The following VAC14 variants were observed in gnomAD, a reference collection of about 807,000 sequenced individuals.
VAC14 encodes protein VAC14 homolog.
A neutral mutation model predicts 85.3 loss-of-function variants in VAC14; 47 were observed. That is an observed-to-expected ratio of 0.55 (90% CI 0.44 to 0.70). VAC14 has a LOEUF of 0.70. Ranked by LOEUF, VAC14 falls within the 30% of genes least tolerant of loss-of-function variation. The pLI is 0.00. For missense variants in VAC14, 861 were observed against 1,004.3 expected (o/e 0.86, Z 1.93); for synonymous variants, 447 against 430.5 (o/e 1.04, Z -0.47).
At chr16:70,784,350 G>C in intron 4 of VAC14, 130 bp from the exon 5 acceptor site, 1 of 683,888 alleles carries the variant, frequency 1.5e-6, no homozygotes, top group Non-Finnish European at 2.6e-6. Flanking sequence ...CCTGAGCTAG[G>C]CATAAGAGGT....
chr16:70,787,633 T>C (rs542613023), intron 1 of VAC14, among the ~76,000 whole-genome samples: 2 of 152,254 alleles, frequency 1.3e-5, no homozygotes, highest in Admixed American at 1.3e-4. Flanking sequence ...AGATCACTGA[T>C]GGAGGAGAGG....
At chr16:70,780,665 A>T in intron 9 of VAC14, 125 bp downstream of exon 9, 1 of 1,261,130 alleles carries the variant, frequency 7.9e-7, no homozygotes. Flanking sequence ...TTGCTGCTAC[A>T]ATTGTGTGAG....
intron 10 of VAC14, among the ~76,000 whole-genome samples, chr16:70,767,401 T>C (rs1272332889): frequency 6.6e-6 from 1 of 152,162 alleles, no homozygotes; most frequent in African/African-American, 2.4e-5. Context: ...AAAATACAGA[T>C]AATTATAAAT....
chr16:70,695,030 G>A (rs769344481), intron 17 of VAC14, among the ~76,000 whole-genome samples: 8 of 152,168 alleles, frequency 5.3e-5, no homozygotes, highest in Non-Finnish European at 1.2e-4. Context: ...TCACTGTGAG[G>A]GATACAGGCA....
rs749530884 is a variant in VAC14 at position 70,786,362 on chromosome 16, C to T, written c.108G>A (p.Leu36=). The stretch of plus-strand genomic sequence containing the variant: ...TGTTCTGGGCCACGAACTCCCGGAC[C>T]AGCCTGGAGAGAGAGGAGAGAGGGG... ...RKVAALEIEK[L]VREFVAQNNT... Residue 36 remains leucine (L), a synonymous_variant, in exon 2 of 19, where the codon CTG becomes CTA. Transcript: ENST00000261776. The T allele has an allele frequency of 6.2e-6, 10 of 1,613,484 alleles. No individual in the cohort carries two copies. The highest frequency in any genetic ancestry group is 2.2e-5 in the South Asian group (2 of 91,052).
rs1186014576 is a variant in VAC14, at chr16:70,783,571, A to G, written c.595-17T>C. 6.2e-7 allele frequency: 1 copy of G among 1,611,718 alleles called. No individual in the cohort carries two copies. The highest frequency in any genetic ancestry group is 8.5e-7 in the Non-Finnish European group (1 of 1,179,246). On this transcript the variant is annotated splice_polypyrimidine_tract_variant and intron_variant, in intron 5 of 18. Coordinates refer to ENST00000261776, the MANE Select transcript of VAC14 (RefSeq NM_018052.5). ...AACCAGGATCTGACCAGGGGAAGGGAACAGGAGGGGAAGTCAGCTCCAGAA... is the reference window on the plus strand; with the variant it reads ...AACCAGGATCTGACCAGGGGAAGGGGACAGGAGGGGAAGTCAGCTCCAGAA...
At chr16:70,730,395 G>C (rs2054554843) in intron 14 of VAC14, among the ~76,000 whole-genome samples, 1 of 151,972 alleles carries the variant, frequency 6.6e-6, no homozygotes, top group African/African-American at 2.4e-5. Flanking sequence ...CTGCTTATTA[G>C]TTTACAGCAA....
At chr16:70,757,994 C>T (rs1249647216) in intron 12 of VAC14, among the ~76,000 whole-genome samples, 1 of 152,198 alleles carries the variant, frequency 6.6e-6, no homozygotes, top group African/African-American at 2.4e-5. Flanking sequence ...AACCACCAGG[C>T]CTCAGTGTCA....
intron 18 of VAC14, 28 bp downstream of exon 18, chr16:70,692,793 G>A (rs754505637): frequency 1.0e-5 from 16 of 1,585,906 alleles, no homozygotes; most frequent in Non-Finnish European, 1.4e-5. Context: ...TCAGGGGGCG[G>A]GGGCAGCAGT....
chr16:70,774,748 C>G (rs2033431835), intron 9 of VAC14, among the ~76,000 whole-genome samples: 3 of 122,220 alleles, frequency 2.5e-5, no homozygotes, highest in Admixed American at 7.8e-5. Context: ...TCCCTTCCTT[C>G]CTTGTTTTTT....
At chr16:70,736,126 G>A (rs571291559) in intron 13 of VAC14, among the ~76,000 whole-genome samples, 15 of 152,168 alleles carry the variant, frequency 9.9e-5, no homozygotes, top group South Asian at 4.1e-4. Context: ...GGAGAGGTGC[G>A]GGGCCGTTCC....
intron 1 of VAC14, among the ~76,000 whole-genome samples, chr16:70,789,857 G>A (rs1041242120): frequency 6.6e-6 from 1 of 152,244 alleles, no homozygotes; most frequent in African/African-American, 2.4e-5. Context: ...CTTGGCACAA[G>A]TTACAGCGAC....
chr16:70,752,188 C>T (rs747715213), intron 12 of VAC14, among the ~76,000 whole-genome samples: 1 of 152,206 alleles, frequency 6.6e-6, no homozygotes, highest in Non-Finnish European at 1.5e-5. Flanking sequence ...CTTCAGTGTC[C>T]AGCACTGTGC....
At chr16:70,776,162 G>A (rs61507357) in intron 9 of VAC14, among the ~76,000 whole-genome samples, 2,259 of 152,262 alleles carry the variant, frequency 0.015, 62 homozygotes, top group African/African-American at 0.053. Flanking sequence ...CTGTAGTGGC[G>A]TGATCATGGC....
chr16:70,777,774 TGTCGGCG>T (rs2033596548), intron 9 of VAC14, among the ~76,000 whole-genome samples: 1 of 152,202 alleles, frequency 6.6e-6, no homozygotes, highest in South Asian at 2.1e-4. Context: ...AACGTGGTGC[TGTCGGCG>T]GATCAGCACA....
Position 70,785,793 on chromosome 16 carries a change from T to G in VAC14, c.332A>C (p.Tyr111Ser). The G allele has an allele frequency of 6.3e-7, 1 of 1,595,610 alleles. No homozygotes were observed. Among genetic ancestry groups the G allele is most frequent in the Non-Finnish European group, 8.5e-7 (1 of 1,169,694 alleles). The stretch of plus-strand genomic sequence containing the variant: ...GTTGTAGAGGGCCTCGCAGGCATAG[T>G]AGCGCAGCCTGCTGTCTGCATCATT... ...CFNDADSRLR[Y>S]YACEALYNIV... is the part of the protein sequence containing the mutation. Residue 111 changes from tyrosine (Y) to serine (S), a missense_variant, in exon 3 of 19, where the codon TAC becomes TCC. This residue lies in a region of VAC14 where 629 missense variants were observed against 703.1 expected (regional missense o/e 0.89). Transcript: ENST00000261776.
chr16:70,779,247 G>A (rs1223375033), intron 9 of VAC14: 1 of 152,246 alleles, frequency 6.6e-6, no homozygotes, highest in African/African-American at 2.4e-5. Context: ...TATGGGAGGA[G>A]GTGGGGCATG....
intron 14 of VAC14, among the ~76,000 whole-genome samples, chr16:70,718,970 T>C (rs1199574278): frequency 2.0e-5 from 3 of 152,174 alleles, no homozygotes; most frequent in Non-Finnish European, 2.9e-5. Flanking sequence ...CTTTGCTCAT[T>C]TTGGTGCCTT....
intron 13 of VAC14, among the ~76,000 whole-genome samples, chr16:70,732,443 C>T (rs554126323): frequency 2.6e-5 from 4 of 152,248 alleles, no homozygotes; most frequent in South Asian, 2.1e-4. Flanking sequence ...CTTGCACACA[C>T]GCCCCTTGGT....
Sources: allele counts gnomAD v4.1 joint callset (sites outside exome capture counted in the v4.1 genomes callset), GRCh38; gene constraint gnomAD v4.1.1; regional missense constraint gnomAD v4.1.1; transcripts MANE v1.5; gene names NCBI Gene and HGNC (gene_info 2026-07-23, HGNC 2026-07-21).